Variants in PPARGC1A observed in about 807,000 individuals in gnomAD.
PPARGC1A encodes peroxisome proliferator-activated receptor gamma coactivator 1-alpha.
Under a neutral mutation model 88.7 loss-of-function variants are expected in PPARGC1A, and 25 were observed. The ratio of observed to expected loss-of-function variants is 0.28; its 90% CI spans 0.21 to 0.39. PPARGC1A has a LOEUF of 0.39. Ranked by LOEUF, PPARGC1A falls within the 10% of genes least tolerant of loss-of-function variation. The probability of loss-of-function intolerance (pLI) is 1.00; values close to 1 mark genes in which losing one functional copy is unlikely to be tolerated. For missense variants in PPARGC1A, 880 were observed against 968.7 expected, an observed-to-expected ratio of 0.91 and a Z score of 1.22; for synonymous variants, 363 against 355.6, an observed-to-expected ratio of 1.02 and a Z score of -0.24.
chr4:24,091,743 C>A, the PPARGC1A span: 1 of 616,898 alleles, frequency 1.6e-6, no homozygotes, highest in Non-Finnish European at 2.0e-6. Flanking sequence ...GCCAACTGGC[C>A]AAGCTGAAGG....
chr4:24,124,669 A>ATT, the PPARGC1A span, among the ~76,000 whole-genome samples: 1,561 of 148,376 alleles, frequency 0.011, 16 homozygotes, highest in Non-Finnish European at 0.017. Flanking sequence ...AGGTAGAAGC[A>ATT]TTTTTTTTTT....
At chr4:24,337,612 C>A in the PPARGC1A span, among the ~76,000 whole-genome samples, 1 of 151,386 alleles carries the variant, frequency 6.6e-6, no homozygotes, top group South Asian at 2.1e-4. Flanking sequence ...AACAGTTACT[C>A]TTTCCTCTGT....
chr4:24,271,294 A>G, the PPARGC1A span, among the ~76,000 whole-genome samples: 1 of 151,634 alleles, frequency 6.6e-6, no homozygotes, highest in Non-Finnish European at 1.5e-5. Context: ...TTCCTCCTCC[A>G]CCTTTAAATA....
chr4:24,029,560 T>C, the PPARGC1A span, among the ~76,000 whole-genome samples: 60 of 152,248 alleles, frequency 3.9e-4, no homozygotes, highest in South Asian at 1.5e-3. Context: ...ATCTGAATAA[T>C]TGGAATCATA....
the PPARGC1A span, among the ~76,000 whole-genome samples, chr4:24,120,271 C>A: frequency 6.6e-6 from 1 of 152,112 alleles, no homozygotes; most frequent in Non-Finnish European, 1.5e-5. Context: ...AGGAGCTAAG[C>A]CCCCAGACAC....
At chr4:24,018,184 AT>A in the PPARGC1A span, among the ~76,000 whole-genome samples, 2 of 152,222 alleles carry the variant, frequency 1.3e-5, no homozygotes, top group East Asian at 3.8e-4. Flanking sequence ...TCCAAACATT[AT>A]TTCAATTTTT....
At chr4:23,877,304 C>T (rs1361842474) in intron 2 of PPARGC1A, among the ~76,000 whole-genome samples, 1 of 134,184 alleles carries the variant, frequency 7.5e-6, no homozygotes, top group East Asian at 2.2e-4. Context: ...ATCACGAGGT[C>T]AGGAGATTGA....
At chr4:23,913,395 A>G in the PPARGC1A span, among the ~76,000 whole-genome samples, 1 of 151,342 alleles carries the variant, frequency 6.6e-6, no homozygotes, top group Non-Finnish European at 1.5e-5. Flanking sequence ...GTGATCAAGC[A>G]CTTTAAAAAC....
the PPARGC1A span, among the ~76,000 whole-genome samples, chr4:24,153,135 T>C: frequency 6.6e-6 from 1 of 152,128 alleles, no homozygotes; most frequent in Non-Finnish European, 1.5e-5. Context: ...AGAAGGTAAC[T>C]ATAGAGGAGC....
the PPARGC1A span, among the ~76,000 whole-genome samples, chr4:24,111,813 A>G: frequency 6.6e-6 from 1 of 152,192 alleles, no homozygotes. Context: ...CTCCCAGTGG[A>G]GACAGTCAAC....
At chr4:24,155,921 G>T in the PPARGC1A span, among the ~76,000 whole-genome samples, 1 of 152,156 alleles carries the variant, frequency 6.6e-6, no homozygotes, top group Non-Finnish European at 1.5e-5. Context: ...TCTATAATTG[G>T]GGGTGGGTCC....
the PPARGC1A span, among the ~76,000 whole-genome samples, chr4:24,363,546 C>T: frequency 2.0e-5 from 3 of 152,140 alleles, no homozygotes; most frequent in African/African-American, 7.2e-5. Context: ...TGTAAGGTTT[C>T]TTTGTCGGAT....
At chr4:24,281,764 A>C in the PPARGC1A span, among the ~76,000 whole-genome samples, 7 of 149,184 alleles carry the variant, frequency 4.7e-5, no homozygotes, top group African/African-American at 1.7e-4. Flanking sequence ...CCCACCCCCA[A>C]TCTTTTATTT....
the PPARGC1A span, among the ~76,000 whole-genome samples, chr4:23,963,808 G>A: frequency 2.0e-5 from 3 of 152,184 alleles, no homozygotes; most frequent in African/African-American, 7.2e-5. Context: ...TGGAAAGCTG[G>A]CCAAAGGAAT....
chr4:24,332,487 T>C, the PPARGC1A span, among the ~76,000 whole-genome samples: 1 of 152,322 alleles, frequency 6.6e-6, no homozygotes, highest in Admixed American at 6.5e-5. Flanking sequence ...AAATCCTCAA[T>C]AAACACTTGT....
At chr4:24,368,530 C>A in the PPARGC1A span, among the ~76,000 whole-genome samples, 13 of 152,012 alleles carry the variant, frequency 8.6e-5, no homozygotes, top group Non-Finnish European at 1.6e-4. Flanking sequence ...ATAATGGAAT[C>A]AAATTTGGGG....
chr4:24,416,639 G>C, the PPARGC1A span, among the ~76,000 whole-genome samples: 1 of 152,180 alleles, frequency 6.6e-6, no homozygotes, highest in Admixed American at 6.5e-5. Flanking sequence ...TCTAACTGTC[G>C]ATAGGAAGCA....
At chr4:24,136,931 T>C in the PPARGC1A span, among the ~76,000 whole-genome samples, 2 of 151,980 alleles carry the variant, frequency 1.3e-5, no homozygotes, top group African/African-American at 4.8e-5. Context: ...CTGATCAACA[T>C]GGTGAAACCC....
the PPARGC1A span, among the ~76,000 whole-genome samples, chr4:24,339,208 GTGTGTATA>G: frequency 2.6e-5 from 1 of 38,232 alleles, no homozygotes; most frequent in African/African-American, 6.6e-5. Flanking sequence ...GTGTGTGTGT[GTGTGTATA>G]TATATATATA....
Sources: allele counts gnomAD v4.1 joint callset (sites outside exome capture counted in the v4.1 genomes callset), GRCh38; gene constraint gnomAD v4.1.1; transcripts MANE v1.5; gene names NCBI Gene and HGNC (gene_info 2026-07-23, HGNC 2026-07-21).